NIBAN1: variants seen among roughly 807,000 people sequenced by gnomAD.
NIBAN1 encodes protein Niban 1.
NIBAN1 carries 81 observed loss-of-function variants against 75.1 expected under a neutral mutation model. The ratio of observed to expected loss-of-function variants is 1.08; its 90% CI spans 0.90 to 1.30. The LOEUF (loss-of-function observed/expected upper bound fraction) is 1.30, where lower values mean the gene tolerates loss of function less well. NIBAN1 is among the 50% of genes most tolerant of loss of function. The probability of loss-of-function intolerance (pLI) is 0.00; values close to 1 mark genes in which losing one functional copy is unlikely to be tolerated. For missense variants in NIBAN1, 1,133 were observed against 1,128.1 expected (o/e 1.00, Z -0.06); for synonymous variants, 436 against 424.8 (o/e 1.03, Z -0.32).
At chr1:184,936,170 C>T (rs1657955151) in intron 1 of NIBAN1, among the ~76,000 whole-genome samples, 1 of 152,148 alleles carries the variant, frequency 6.6e-6, no homozygotes, top group Non-Finnish European at 1.5e-5. Flanking sequence ...CCATGAAAGC[C>T]ATATGTACTC....
intron 5 of NIBAN1, among the ~76,000 whole-genome samples, chr1:184,884,215 C>CTTTTT (rs11334000): frequency 3.0e-5 from 2 of 66,800 alleles, no homozygotes; most frequent in Non-Finnish European, 5.2e-5. Flanking sequence ...ATCTGTGGCT[C>CTTTTT]TTTTTTTTTT....
chr1:184,800,818 G>A (rs960031493), intron 12 of NIBAN1, among the ~76,000 whole-genome samples: 1 of 152,192 alleles, frequency 6.6e-6, no homozygotes, highest in African/African-American at 2.4e-5. Flanking sequence ...GGGTCATAGG[G>A]TAGATGTATG....
At chr1:184,892,535 TA>T (rs1656695933) in intron 3 of NIBAN1, among the ~76,000 whole-genome samples, 1 of 152,234 alleles carries the variant, frequency 6.6e-6, no homozygotes, top group Admixed American at 6.5e-5. Flanking sequence ...AAGTGTTGAA[TA>T]AAATCCTAAT....
chr1:184,900,834 T>C (rs961538144), intron 1 of NIBAN1, among the ~76,000 whole-genome samples: 1 of 152,190 alleles, frequency 6.6e-6, no homozygotes, highest in African/African-American at 2.4e-5. Context: ...AGGGTACAGC[T>C]TGAGGAAAAA....
chr1:184,797,949 T>TGACTGTCTCCCTCCCTCACC, intron 13 of NIBAN1, 130 bp downstream of exon 13: 1 of 491,092 alleles, frequency 2.0e-6, no homozygotes, highest in Non-Finnish European at 3.6e-6. Flanking sequence ...CTCTCCTCAC[T>TGACTGTCTCCCTCCCTCACC]GTCTGTCTCC....
At chr1:184,822,395 T>G (rs1654727679) in intron 8 of NIBAN1, among the ~76,000 whole-genome samples, 1 of 152,154 alleles carries the variant, frequency 6.6e-6, no homozygotes, top group South Asian at 2.1e-4. Context: ...GTCCGTAAGG[T>G]CTCAGTTCCA....
At chr1:184,957,743 C>A (rs1658526448) in intron 1 of NIBAN1, among the ~76,000 whole-genome samples, 1 of 152,190 alleles carries the variant, frequency 6.6e-6, no homozygotes, top group African/African-American at 2.4e-5. Flanking sequence ...CTGAAGGCAG[C>A]CAGTTGACAA....
intron 4 of NIBAN1, chr1:184,888,327 TTGA>T (rs1557901435): frequency 6.6e-6 from 1 of 152,234 alleles, no homozygotes; most frequent in African/African-American, 2.4e-5. Flanking sequence ...GTCAGTCTTC[TTGA>T]CTGACATGGT....
chr1:184,905,507 A>T (rs949045046), intron 1 of NIBAN1, among the ~76,000 whole-genome samples: 3 of 151,848 alleles, frequency 2.0e-5, no homozygotes, highest in Admixed American at 2.0e-4. Context: ...CTGGGATCTC[A>T]CCTCAACTGT....
At chr1:184,934,655 G>A (rs560143558) in intron 1 of NIBAN1, among the ~76,000 whole-genome samples, 10 of 152,314 alleles carry the variant, frequency 6.6e-5, no homozygotes, top group African/African-American at 2.2e-4. Flanking sequence ...CCAGCACTTT[G>A]GGAGGCTGAG....
At chr1:184,835,458 T>C (rs1171209050) in intron 5 of NIBAN1, among the ~76,000 whole-genome samples, 2 of 152,172 alleles carry the variant, frequency 1.3e-5, no homozygotes, top group African/African-American at 4.8e-5. Context: ...CATGATATTC[T>C]TTCTTTCTAT....
chr1:184,880,520 A>G (rs1347101204), intron 5 of NIBAN1, among the ~76,000 whole-genome samples: 1 of 152,160 alleles, frequency 6.6e-6, no homozygotes, highest in Non-Finnish European at 1.5e-5. Context: ...CACCAGTCAC[A>G]CAAAATTCTT....
At chr1:184,862,060 A>G (rs1261323434) in intron 5 of NIBAN1, among the ~76,000 whole-genome samples, 1 of 152,232 alleles carries the variant, frequency 6.6e-6, no homozygotes, top group African/African-American at 2.4e-5. Context: ...AGGAAAGAAC[A>G]ATAAGATTGA....
chr1:184,948,201 A>G (rs1057051327), intron 1 of NIBAN1, among the ~76,000 whole-genome samples: 2 of 152,248 alleles, frequency 1.3e-5, no homozygotes, highest in Non-Finnish European at 2.9e-5. Flanking sequence ...TCTTAGATAT[A>G]TATGGTACTT....
intron 5 of NIBAN1, among the ~76,000 whole-genome samples, chr1:184,864,429 T>G (rs75920259): frequency 1.7e-3 from 266 of 152,328 alleles, no homozygotes; most frequent in African/African-American, 6.2e-3. Context: ...TATTCTAGTC[T>G]GTGAACAAGT....
intron 1 of NIBAN1, among the ~76,000 whole-genome samples, chr1:184,913,242 G>A (rs1202988378): frequency 1.3e-5 from 2 of 150,708 alleles, no homozygotes; most frequent in Non-Finnish European, 3.0e-5. Context: ...AAGAGGAAAT[G>A]CATTTGTAAT....
chr1:184,796,042 G>A lies in NIBAN1; in HGVS notation c.1722C>T (p.Ala574=). 1 of 1,592,012 alleles carries A rather than the reference G, an allele frequency of 6.3e-7. No homozygotes were observed. Among genetic ancestry groups the A allele is most frequent in the Non-Finnish European group, 8.5e-7 (1 of 1,171,338 alleles). Residue 574 remains alanine, a synonymous_variant, in exon 14 of 14, where the codon GCC becomes GCT. Transcript: ENST00000367511. ...KKHNLFEDNM[A]LPSESVSSLT... ...AGCTGGACACACTTTCACTGGGCAA[G>A]GCCATGTTATCTTCAAATAAGTTGT...
intron 3 of NIBAN1, among the ~76,000 whole-genome samples, chr1:184,893,725 T>A (rs770552039): frequency 6.6e-6 from 1 of 152,152 alleles, no homozygotes; most frequent in African/African-American, 2.4e-5. Context: ...TGAATGATCA[T>A]AGGAAAGGCT....
chr1:184,860,162 T>C (rs1289833796), intron 5 of NIBAN1, among the ~76,000 whole-genome samples: 2 of 151,254 alleles, frequency 1.3e-5, no homozygotes, highest in African/African-American at 4.9e-5. Context: ...ATAGGACTAA[T>C]ATAGGCCCAG....
Sources: allele counts gnomAD v4.1 joint callset (sites outside exome capture counted in the v4.1 genomes callset), GRCh38; gene constraint gnomAD v4.1.1; transcripts MANE v1.5; gene names NCBI Gene and HGNC (gene_info 2026-07-23, HGNC 2026-07-21).